The following MCPH1 variants were observed in gnomAD, a reference collection of about 807,000 sequenced individuals.
The protein encoded by MCPH1 is microcephalin 1, also known as microcephalin.
MCPH1 carries 104 observed loss-of-function variants against 84.5 expected under a neutral mutation model. That is an observed-to-expected ratio of 1.23 (90% CI 1.05 to 1.45). The LOEUF (loss-of-function observed/expected upper bound fraction) is 1.45. MCPH1 is among the 40% of genes most tolerant of loss of function. MCPH1 has a pLI of 0.00. For synonymous variants in MCPH1, 514 were observed against 366.8 expected (o/e 1.40, Z -4.58); for missense variants, 1,498 against 1,005.7 (o/e 1.49, Z -6.62).
At chr8:6,617,477 G>A (rs1244406248) in intron 12 of MCPH1, among the ~76,000 whole-genome samples, 1 of 151,828 alleles carries the variant, frequency 6.6e-6, no homozygotes, top group East Asian at 1.9e-4. Context: ...TATATAAATA[G>A]ATGAGCCTGG....
At chr8:6,408,729 A>G (rs1442602369) in intron 1 of MCPH1, among the ~76,000 whole-genome samples, 1 of 151,310 alleles carries the variant, frequency 6.6e-6, no homozygotes, top group African/African-American at 2.4e-5. Context: ...TGGCTAATTA[A>G]AAACAAAATT....
intron 7 of MCPH1, among the ~76,000 whole-genome samples, chr8:6,442,472 C>G (rs1158171054): frequency 6.6e-6 from 1 of 152,024 alleles, no homozygotes; most frequent in Admixed American, 6.6e-5. Context: ...GAGGTCAGAG[C>G]TAAGGAAATG....
At chr8:6,451,839 G>T (rs3020272) in intron 8 of MCPH1, among the ~76,000 whole-genome samples, 74 of 152,254 alleles carry the variant, frequency 4.9e-4, no homozygotes, top group Middle Eastern at 3.4e-3. Context: ...ATTTTTACAT[G>T]TTAAAATTAT....
rs375026958 is a variant in MCPH1 at position 6,442,113 on chromosome 8, G to T, written c.627G>T (p.Leu209=). ...QQSHDNPSNS[L]CEAPLNISRD... ...CTCATGATAATCCAAGTAACTCTCT[G>T]TGTGAAGCACCTTTGAACATTTCAC... The change falls in exon 7 of 14, where the codon CTG becomes CTT. Residue 209 remains leucine (L), a synonymous_variant. Coordinates refer to ENST00000344683, the MANE Select transcript of MCPH1 (RefSeq NM_024596.5). 10 of 1,613,560 alleles carry T rather than the reference G, an allele frequency of 6.2e-6. No homozygotes were observed. Among genetic ancestry groups the T allele is most frequent in the South Asian group, 4.4e-5 (4 of 91,080 alleles).
At chr8:6,612,339 C>T (rs1186671949) in intron 12 of MCPH1, among the ~76,000 whole-genome samples, 1 of 152,234 alleles carries the variant, frequency 6.6e-6, no homozygotes, top group African/African-American at 2.4e-5. Flanking sequence ...CCTCCACAGC[C>T]AGCCCACTTC....
intron 10 of MCPH1, 98 bp downstream of exon 10, chr8:6,477,729 C>A: frequency 1.1e-6 from 1 of 897,220 alleles, no homozygotes; most frequent in Non-Finnish European, 1.9e-6. Context: ...TCAATCTGTC[C>A]TGTATCACTT....
At chr8:6,641,766 T>C (rs1797951600) in intron 13 of MCPH1, among the ~76,000 whole-genome samples, 1 of 152,164 alleles carries the variant, frequency 6.6e-6, no homozygotes, top group African/African-American at 2.4e-5. Context: ...AATATGTAAA[T>C]CATAATAATA....
At chr8:6,636,133 G>A (rs1025230913) in intron 13 of MCPH1, among the ~76,000 whole-genome samples, 1 of 152,168 alleles carries the variant, frequency 6.6e-6, no homozygotes, top group Non-Finnish European at 1.5e-5. Flanking sequence ...GAGGCCAGGA[G>A]TTCAACACCA....
At chr8:6,493,374 G>T (rs1427221645) in intron 11 of MCPH1, among the ~76,000 whole-genome samples, 1 of 152,176 alleles carries the variant, frequency 6.6e-6, no homozygotes, top group Non-Finnish European at 1.5e-5. Flanking sequence ...TTTTTCATAA[G>T]AATATTCAAG....
chr8:6,538,620 C>T (rs909102220), intron 12 of MCPH1, among the ~76,000 whole-genome samples: 2 of 152,202 alleles, frequency 1.3e-5, no homozygotes, highest in African/African-American at 4.8e-5. Flanking sequence ...CTTGAGTCTT[C>T]TCTTCCTCCT....
At chr8:6,471,451 A>G (rs1010410344) in intron 9 of MCPH1, among the ~76,000 whole-genome samples, 1 of 152,232 alleles carries the variant, frequency 6.6e-6, no homozygotes, top group African/African-American at 2.4e-5. Context: ...CAGGGATAAT[A>G]AGATACCATT....
rs575559204 is a variant in MCPH1 at position 6,626,468 on chromosome 8, T to G, written c.2452+4777T>G. On this transcript the variant is annotated intron_variant, in intron 13 of 13. Coordinates refer to ENST00000344683, the MANE Select transcript of MCPH1 (RefSeq NM_024596.5). ...AAATGGGGTTGTTGTTTGGTTTTTTTGTTTTGTTTTTTTTTTTTTTTTTGC... is the reference window on the plus strand; with the variant it reads ...AAATGGGGTTGTTGTTTGGTTTTTTGGTTTTGTTTTTTTTTTTTTTTTTGC... 8.2e-4 allele frequency: 794 copies of G among 966,332 alleles called. 6 individuals carry two copies. The African/African-American group carries it at 0.014, about 17-fold the overall frequency. 59.9% of individuals were successfully genotyped at this position (966,332 alleles called of 1,614,324 possible).
chr8:6,621,905 A>G (rs993522138), intron 13 of MCPH1, among the ~76,000 whole-genome samples: 40 of 152,098 alleles, frequency 2.6e-4, no homozygotes, highest in African/African-American at 9.4e-4. Context: ...AGGAAATGGG[A>G]ACTCTAACTG....
chr8:6,431,578 A>T lies in MCPH1; in HGVS notation c.313A>T (p.Lys105Ter), dbSNP rs1424203921. ...NMNEHLSSLI[K>*]KKRKCMQPKD... ...GAATGAACACTTATCAAGCCTAATT[A>T]AAAAAAAAGTAAGTACATGATTTCA... is the stretch of plus-strand genomic sequence containing the variant. Residue 105 changes from lysine to a stop codon, truncating the protein, a stop_gained, in exon 4 of 14, where the codon AAA (lysine) becomes TAA (stop). Transcript: ENST00000344683. LOFTEE classifies it high-confidence loss of function. The T allele has an allele frequency of 2.6e-6, 4 of 1,545,100 alleles. No individual in the cohort carries two copies. Among genetic ancestry groups the T allele is most frequent in the Admixed American group, 3.5e-5 (2 of 57,484 alleles).
rs540853780 is a variant in MCPH1, at chr8:6,530,487, C to T, written c.2214+30558C>T. On this transcript the variant is annotated intron_variant, in intron 12 of 13. Coordinates refer to ENST00000344683, the MANE Select transcript of MCPH1 (RefSeq NM_024596.5). Reference sequence around the variant, plus strand: ...TCACACCACTGCACTCCAACCTGGGCAATGCAGTGAGACTCTGTCTCAAAA... The same window carrying T: ...TCACACCACTGCACTCCAACCTGGGTAATGCAGTGAGACTCTGTCTCAAAA... Among the ~76,000 whole-genome samples, 35 of 120,914 alleles carry T rather than the reference C, an allele frequency of 2.9e-4. No homozygotes were observed. In the South Asian group the frequency reaches 8.9e-3, roughly 31 times the overall value. The allele number at this position is 120,914 out of a possible 152,430, so 79.3% of individuals were successfully genotyped here. A position where few individuals can be genotyped will look rare whatever the true frequency, so the allele number is the denominator to read the frequency against.
intron 12 of MCPH1, chr8:6,527,751 G>A: frequency 1.5e-6 from 2 of 1,322,004 alleles, no homozygotes; most frequent in South Asian, 1.4e-5. Flanking sequence ...TTTCATTAAA[G>A]TACCCAAGCT....
At chr8:6,631,352 T>C (rs1259614276) in intron 13 of MCPH1, among the ~76,000 whole-genome samples, 1 of 151,936 alleles carries the variant, frequency 6.6e-6, no homozygotes, top group African/African-American at 2.4e-5. Flanking sequence ...ATTAAAGACT[T>C]CAGTGCATCA....
In MCPH1 at chr8:6,435,384, C is replaced by T. The variant is rs1209449842; in HGVS notation, c.322-664C>T. On this transcript the variant is annotated intron_variant, in intron 4 of 13. Transcript: ENST00000344683. The stretch of plus-strand genomic sequence containing the variant: ...CCTGGCAAGGAGACAGGAGGAAACT[C>T]TCAAATCCGCCTCCCTGAGGTGGGG... 4.6e-5 allele frequency among the ~76,000 whole-genome samples: 7 copies of T among 152,078 alleles called. No homozygotes were observed. The South Asian group carries it at 1.5e-3, about 32-fold the overall frequency.
At chr8:6,628,245 C>G (rs112842304) in intron 13 of MCPH1, among the ~76,000 whole-genome samples, 1 of 151,956 alleles carries the variant, frequency 6.6e-6, no homozygotes, top group Non-Finnish European at 1.5e-5. Flanking sequence ...CCGAAGCGGG[C>G]GGATCATGAG....
Sources: allele counts gnomAD v4.1 joint callset (sites outside exome capture counted in the v4.1 genomes callset), GRCh38; gene constraint gnomAD v4.1.1; transcripts MANE v1.5; gene names NCBI Gene and HGNC (gene_info 2026-07-23, HGNC 2026-07-21).